PTPN13: variants seen among roughly 807,000 people sequenced by gnomAD.
PTPN13 encodes the protein tyrosine-protein phosphatase non-receptor type 13.
Under a neutral mutation model 284.0 loss-of-function variants are expected in PTPN13, and 191 were observed. The observed-to-expected ratio is 0.67, with a 90% CI of 0.60 to 0.76. PTPN13 has a LOEUF of 0.76. Ranked by LOEUF, PTPN13 falls within the 30% of genes least tolerant of loss-of-function variation. PTPN13 has a pLI of 0.00. For missense variants in PTPN13, 2,797 were observed against 2,939.9 expected (o/e 0.95, Z 1.12); for synonymous variants, 986 against 1,022.3 (o/e 0.96, Z 0.68).
At chr4:86,716,732 A>G in intron 8 of PTPN13, 107 bp downstream of exon 8, 2 of 914,748 alleles carry the variant, frequency 2.2e-6, no homozygotes, top group Non-Finnish European at 3.2e-6. Context: ...ATAATACTGT[A>G]TAAAATTGAA....
intron 5 of PTPN13, among the ~76,000 whole-genome samples, chr4:86,690,696 T>A (rs1729931739): frequency 6.6e-6 from 1 of 152,110 alleles, no homozygotes; most frequent in East Asian, 1.9e-4. Flanking sequence ...ATTTTACTCC[T>A]ATAGTAAAAT....
intron 40 of PTPN13, among the ~76,000 whole-genome samples, chr4:86,789,809 A>T (rs541454162): frequency 6.6e-6 from 1 of 151,178 alleles, no homozygotes; most frequent in Non-Finnish European, 1.5e-5. Flanking sequence ...TTACAAAAAT[A>T]GTGGTAATTG....
At position 86,775,276 on chromosome 4, in the gene PTPN13, C is replaced by T. The variant is rs760459572; in HGVS notation, c.5614C>T (p.Pro1872Ser). The T allele has an allele frequency of 6.2e-7, 1 of 1,613,634 alleles. No homozygotes were observed. The highest frequency in any genetic ancestry group is 8.5e-7 in the Non-Finnish European group (1 of 1,179,708). ...AGTTATTGGACGAGTTCTAGAATTACCCAGAATACCAATGTTGCCTCATTT... is the reference window on the plus strand; with the variant it reads ...AGTTATTGGACGAGTTCTAGAATTATCCAGAATACCAATGTTGCCTCATTT... ...RLVIGRVLEL[P>S]RIPMLPHLLP... Residue 1872 changes from proline to serine, a missense_variant, in exon 34 of 48, where the codon CCC becomes TCC. Coordinates refer to ENST00000411767, the MANE Select transcript of PTPN13 (RefSeq NM_080683.3).
chr4:86,764,153 G>C (rs1034653422), intron 24 of PTPN13, among the ~76,000 whole-genome samples: 16 of 152,030 alleles, frequency 1.1e-4, no homozygotes, highest in African/African-American at 2.7e-4. Context: ...GCTACTGCTT[G>C]ATATATATTG....
rs1274505308 is a variant in PTPN13 at position 86,803,782 on chromosome 4, G to A, written c.6579G>A (p.Thr2193=). 8.1e-6 allele frequency: 13 copies of A among 1,613,734 alleles called. No individual in the cohort carries two copies. Among genetic ancestry groups the A allele is most frequent in the African/African-American group, 2.7e-5 (2 of 74,910 alleles). Residue 2193 remains threonine (T), a synonymous_variant, in exon 43 of 48, where the codon ACG becomes ACA. Transcript: ENST00000411767. ...AAGTGCTTCCCTCTGGTAAATACAC[G>A]GGTGCCAACTTAAAATCAGTCATTC... ...VVKVLPSGKY[T]GANLKSVIRV... is the part of the protein sequence containing the mutation.
intron 6 of PTPN13, among the ~76,000 whole-genome samples, chr4:86,697,578 G>T (rs1261248831): frequency 2.6e-5 from 4 of 152,078 alleles, no homozygotes; most frequent in Non-Finnish European, 5.9e-5. Context: ...TGAGCAGAAA[G>T]AAATCAAACA....
At chr4:86,616,818 A>T (rs1293492585) in intron 1 of PTPN13, among the ~76,000 whole-genome samples, 1 of 152,138 alleles carries the variant, frequency 6.6e-6, no homozygotes, top group South Asian at 2.1e-4. Flanking sequence ...TCTTTTCTTT[A>T]TGAATTACCT....
Position 86,637,514 on chromosome 4 carries a change from G to A in PTPN13, c.115+2143G>A, listed in dbSNP as rs1271486047. Among the ~76,000 whole-genome samples, 4 of 151,958 alleles carry A rather than the reference G, an allele frequency of 2.6e-5. No individual in the cohort carries two copies. In the East Asian group the frequency reaches 5.8e-4, roughly 22 times the overall value. ...GTGGGCTTCATCCCTGGGGTGCAAG[G>A]CTGGTTCAATATACGCAAATCAATA... On this transcript the variant is annotated intron_variant, in intron 2 of 47. Coordinates refer to ENST00000411767, the MANE Select transcript of PTPN13 (RefSeq NM_080683.3).
intron 26 of PTPN13, among the ~76,000 whole-genome samples, chr4:86,765,833 GT>G (rs891941913): frequency 0.01 from 1,468 of 145,576 alleles, 17 homozygotes; most frequent in African/African-American, 0.034. Context: ...TTTTGTTGTT[GT>G]TTTTTTTTTT....
In PTPN13 at chr4:86,648,366, T is replaced by C. The variant is rs114327825; in HGVS notation, c.115+12995T>C. 2.2e-3 allele frequency among the ~76,000 whole-genome samples: 339 copies of C among 152,236 alleles called. 3 individuals carry two copies. Among genetic ancestry groups the C allele is most frequent in the African/African-American group, 7.5e-3 (313 of 41,574 alleles). On this transcript the variant is annotated intron_variant, in intron 2 of 47. Coordinates refer to ENST00000411767, the MANE Select transcript of PTPN13 (RefSeq NM_080683.3). ...TTATACCCATTAACCATCCTCTCTT[T>C]ATCCCCCCTCCATACTATCTTTCCC...
At chr4:86,663,194 T>TG (rs1227538680) in intron 2 of PTPN13, among the ~76,000 whole-genome samples, 6 of 152,332 alleles carry the variant, frequency 3.9e-5, no homozygotes, top group East Asian at 3.9e-4. Context: ...GGTTCATGGC[T>TG]GAGGCCCCTA....
rs1289211960 is a variant in PTPN13, at chr4:86,771,201, C to G, written c.4834C>G (p.Pro1612Ala). ...ACTTCAGTCTCCAGCACAAGTACTT[C>G]CAAACAGCAGTAAAGACTCTTCTCA... ...TPLQSPAQVL[P>A]NSSKDSSQPS... Residue 1612 changes from proline (P) to alanine (A), a missense_variant, in exon 31 of 48, where the codon CCA becomes GCA. Transcript: ENST00000411767. The G allele has an allele frequency of 1.2e-6, 2 of 1,611,832 alleles. No individual in the cohort carries two copies. Among genetic ancestry groups the G allele is most frequent in the Non-Finnish European group, 1.7e-6 (2 of 1,178,920 alleles).
At chr4:86,706,317 A>G (rs1301580279) in intron 7 of PTPN13, among the ~76,000 whole-genome samples, 2 of 152,164 alleles carry the variant, frequency 1.3e-5, no homozygotes, top group East Asian at 3.8e-4. Context: ...TGTCAGATAC[A>G]TGGTTGAAAA....
At chr4:86,672,805 G>A (rs535430297) in intron 3 of PTPN13, among the ~76,000 whole-genome samples, 304 of 152,270 alleles carry the variant, frequency 2.0e-3, no homozygotes, top group Non-Finnish European at 1.5e-3. Context: ...ATAAAACACC[G>A]TGCCTGAGGA....
chr4:86,743,837 C>T (rs117894692), intron 16 of PTPN13, among the ~76,000 whole-genome samples: 5 of 152,172 alleles, frequency 3.3e-5, no homozygotes, highest in East Asian at 1.9e-4. Flanking sequence ...TGACTATTTC[C>T]GTATTTGAAG....
chr4:86,694,457 G>C (rs1305818785), intron 6 of PTPN13, among the ~76,000 whole-genome samples: 4 of 151,322 alleles, frequency 2.6e-5, no homozygotes, highest in Non-Finnish European at 5.9e-5. Flanking sequence ...GCAGGCACCT[G>C]TAATCCCAGC....
chr4:86,679,484 C>A (rs959188762), intron 3 of PTPN13, among the ~76,000 whole-genome samples: 1 of 152,184 alleles, frequency 6.6e-6, no homozygotes, highest in Non-Finnish European at 1.5e-5. Flanking sequence ...GTTCTTAGGC[C>A]CTACCCCAGA....
At chr4:86,617,752 T>C (rs1009576450) in intron 1 of PTPN13, among the ~76,000 whole-genome samples, 4 of 152,246 alleles carry the variant, frequency 2.6e-5, no homozygotes, top group African/African-American at 9.6e-5. Flanking sequence ...TCTGTTGATA[T>C]CCTTCACCCA....
intron 30 of PTPN13, 46 bp from the exon 31 acceptor site, chr4:86,771,125 A>G (rs1739948370): frequency 6.7e-7 from 1 of 1,501,754 alleles, no homozygotes; most frequent in African/African-American, 1.4e-5. Context: ...AATGCTTCTA[A>G]AATTCATAGA....
Sources: gnomAD v4.1 joint callset for allele counts (sites outside exome capture counted in the v4.1 genomes callset) on GRCh38, gnomAD v4.1.1 for gene constraint, MANE v1.5 for transcripts, NCBI Gene and HGNC (gene_info 2026-07-23, HGNC 2026-07-21) for gene names.